Variants in C1orf159 observed in about 807,000 individuals in gnomAD.
The protein encoded by C1orf159 is chromosome 1 open reading frame 159, also known as uncharacterized protein C1orf159.
Under a neutral mutation model 25.6 loss-of-function variants are expected in C1orf159, and 19 were observed. The ratio of observed to expected loss-of-function variants is 0.74; its 90% CI spans 0.52 to 1.09. C1orf159 has a LOEUF of 1.09. Ranked by LOEUF, C1orf159 falls within the 50% of genes least tolerant of loss-of-function variation. The probability of loss-of-function intolerance (pLI) is 0.00; values close to 1 mark genes in which losing one functional copy is unlikely to be tolerated. For synonymous variants in C1orf159, 139 were observed against 124.7 expected (o/e 1.12, Z -0.77); for missense variants, 274 against 290.6 (o/e 0.94, Z 0.42).
At chr1:1,094,171 C>G (rs185773019) in intron 1 of C1orf159, among the ~76,000 whole-genome samples, 1 of 151,524 alleles carries the variant, frequency 6.6e-6, no homozygotes, top group African/African-American at 2.4e-5. Context: ...GATCGTGGCT[C>G]ACTGCAGCCT....
intron 1 of C1orf159, among the ~76,000 whole-genome samples, chr1:1,102,178 C>T (rs1214811513): frequency 6.9e-6 from 1 of 145,772 alleles, no homozygotes; most frequent in Non-Finnish European, 1.5e-5. Flanking sequence ...ACATTTATGT[C>T]TTTCACCAAA....
rs559298266 is a variant in C1orf159, at chr1:1,110,755, C to T, written c.-136+5305G>A. On this transcript the variant is annotated intron_variant, in intron 1 of 9. Coordinates refer to ENST00000421241, the MANE Select transcript of C1orf159 (RefSeq NM_017891.5). The surrounding 1 kb of genome is among the most constrained non-coding windows in gnomAD (Gnocchi z 4.8). ...TTCAGACAGCGGAAACCCACCCGGG[C>T]GCCCTCAGAGACGACGAGCACGCAA... 3.3e-5 allele frequency among the ~76,000 whole-genome samples: 5 copies of T among 152,352 alleles called. No homozygotes were observed. Among genetic ancestry groups the T allele is most frequent in the African/African-American group, 9.6e-5 (4 of 41,570 alleles).
intron 1 of C1orf159, among the ~76,000 whole-genome samples, chr1:1,112,384 G>A (rs574450122): frequency 7.9e-5 from 12 of 152,056 alleles, no homozygotes; most frequent in East Asian, 5.8e-4. Context: ...GTGAACACAC[G>A]GCGCACGGTC....
intron 1 of C1orf159, among the ~76,000 whole-genome samples, chr1:1,108,487 T>C (rs1646209898): frequency 8.5e-6 from 1 of 118,020 alleles, no homozygotes; most frequent in Non-Finnish European, 1.7e-5. Flanking sequence ...AGCAGCACCG[T>C]CCACCACAGC....
intron 9 of C1orf159, chr1:1,083,578 C>T (rs773814477): frequency 6.5e-5 from 20 of 306,238 alleles, no homozygotes; most frequent in Admixed American, 1.4e-4. Context: ...CCCGGAGCCT[C>T]GGGAAGCGTG....
chr1:1,108,660 GGCA>G (rs1216945379), intron 1 of C1orf159, among the ~76,000 whole-genome samples: 7 of 51,576 alleles, frequency 1.4e-4, no homozygotes, highest in African/African-American at 2.9e-4. Flanking sequence ...ACCATGTCTC[GGCA>G]GCACCGTTCA....
Position 1,087,616 on chromosome 1 carries a change from G to A in C1orf159, c.149-19C>T, listed in dbSNP as rs1440709934. The A allele has an allele frequency of 1.6e-5, 24 of 1,521,788 alleles. No homozygotes were observed. The highest frequency in any genetic ancestry group is 2.8e-5 in the African/African-American group (2 of 72,334). The allele number at this position is 1,521,788 out of a possible 1,614,324, so 94.3% of individuals were successfully genotyped here. A position where few individuals can be genotyped will look rare whatever the true frequency, so the allele number is the denominator to read the frequency against. On this transcript the variant is annotated intron_variant, in intron 4 of 9. Transcript: ENST00000421241. The surrounding 1 kb of genome is among the most constrained non-coding windows in gnomAD (Gnocchi z 8.3). ...TAACAGCCTGCGTGGGGCAGAGGAC[G>A]GGCATGTCAGCCAAAGCAAAATCCA...
intron 1 of C1orf159, among the ~76,000 whole-genome samples, chr1:1,111,279 T>A (rs1646252946): frequency 6.7e-6 from 1 of 149,834 alleles, no homozygotes; most frequent in South Asian, 2.1e-4. Flanking sequence ...TGCAATCCCA[T>A]CATTTTGGGA....
intron 1 of C1orf159, among the ~76,000 whole-genome samples, chr1:1,098,855 A>C (rs1210714353): frequency 6.6e-6 from 1 of 152,094 alleles, no homozygotes; most frequent in Non-Finnish European, 1.5e-5. Context: ...CAGGTGATCC[A>C]CCCGACTCGG....
chr1:1,086,002 G>A lies in C1orf159; in HGVS notation c.321C>T (p.Arg107=), dbSNP rs201428293. The A allele has an allele frequency of 2.5e-5, 41 of 1,612,886 alleles. No individual in the cohort carries two copies. The East Asian group carries it at 3.1e-4, about 12-fold the overall frequency. The part of the protein sequence containing the change: ...TPGRPHPGAP[R]VAASLFLGTF... ...TGCCCAGGAAGAGGGAGGCGGCCAC[G>A]CGCGGAGCCCCTGCAAACAGACACC... Residue 107 remains arginine, a synonymous_variant, in exon 7 of 10, where the codon CGC becomes CGT. Transcript: ENST00000421241.
chr1:1,098,500 CTG>C (rs1646040131), intron 1 of C1orf159, among the ~76,000 whole-genome samples: 1 of 152,218 alleles, frequency 6.6e-6, no homozygotes, highest in African/African-American at 2.4e-5. Flanking sequence ...TTTAATTCCT[CTG>C]TGCTCAGAAA....
rs1435875756 is a variant in C1orf159, at chr1:1,089,631, C to T, written c.148+722G>A. ...AGGCCCCTGAGTCCCCAGGAGCAGCCCTTCTGGGTTCTTCCATCATGGGAG... is the reference window on the plus strand; with the variant it reads ...AGGCCCCTGAGTCCCCAGGAGCAGCTCTTCTGGGTTCTTCCATCATGGGAG... On this transcript the variant is annotated intron_variant, in intron 4 of 9. Transcript: ENST00000421241. The surrounding 1 kb of genome is among the most constrained non-coding windows in gnomAD (Gnocchi z 7.5). Among the ~76,000 whole-genome samples the T allele has an allele frequency of 6.6e-6, 1 of 152,162 alleles. No homozygotes were observed. The highest frequency in any genetic ancestry group is 1.5e-5 in the Non-Finnish European group (1 of 68,008).
At chr1:1,109,469 ATTTC>A (rs1438468915) in intron 1 of C1orf159, among the ~76,000 whole-genome samples, 5 of 150,628 alleles carry the variant, frequency 3.3e-5, no homozygotes, top group African/African-American at 4.9e-5. Flanking sequence ...CCTTTTTAAA[ATTTC>A]TTTCTTTCTT....
Position 1,090,778 on chromosome 1 carries a change from C to T in C1orf159, c.73-350G>A. 2.9e-6 allele frequency: 3 copies of T among 1,050,406 alleles called. No individual in the cohort carries two copies. The South Asian group carries it at 4.1e-5, about 14-fold the overall frequency. The allele number at this position is 1,050,406 out of a possible 1,614,324, so 65.1% of individuals were successfully genotyped here. ...CTCCATCAGGGGTTTCCGCTTGACCCCACAGAGGAAGTGCCCGGGCCTGGC... is the reference window on the plus strand; with the variant it reads ...CTCCATCAGGGGTTTCCGCTTGACCTCACAGAGGAAGTGCCCGGGCCTGGC... On this transcript the variant is annotated intron_variant, in intron 3 of 9. Coordinates refer to ENST00000421241, the MANE Select transcript of C1orf159 (RefSeq NM_017891.5).
intron 2 of C1orf159, 33 bp from the exon 3 acceptor site, chr1:1,091,598 G>A: frequency 1.5e-6 from 2 of 1,345,252 alleles, no homozygotes; most frequent in South Asian, 1.2e-5. Flanking sequence ...GAGCCAAAGA[G>A]ATGGAGTGGG....
intron 7 of C1orf159, 113 bp downstream of exon 7, chr1:1,085,765 G>A (rs1051103390): frequency 7.1e-5 from 97 of 1,372,816 alleles, no homozygotes; most frequent in African/African-American, 1.0e-4. Context: ...GCTCCCTCCC[G>A]GCCTCTGCCA....
At position 1,091,811 on chromosome 1, in the gene C1orf159, A is replaced by C. The variant is rs1266460066; in HGVS notation, c.-23+180T>G. 9.6e-5 allele frequency: 20 copies of C among 208,896 alleles called. No individual in the cohort carries two copies. In the Admixed American group the frequency reaches 1.3e-3, roughly 13 times the overall value. The allele number at this position is 208,896 out of a possible 1,614,324, so 12.9% of individuals were successfully genotyped here. The stretch of plus-strand genomic sequence containing the variant: ...GCTGTGGCAGGGAGGGTGGGGCCAA[A>C]TGGAGATGGGGTGGGGCGGGGCCGC... On this transcript the variant is annotated intron_variant, in intron 2 of 9. Transcript: ENST00000421241.
chr1:1,082,878 G>A lies in C1orf159; in HGVS notation c.*15C>T, dbSNP rs757595267. ...TCCCTGCCGCCAAGTGCGTGGCGTG[G>A]TCTCGGCCTCCAGGTCAGACATTGC... On this transcript the variant is annotated 3_prime_UTR_variant, in exon 10 of 10. Coordinates refer to ENST00000421241, the MANE Select transcript of C1orf159 (RefSeq NM_017891.5). The A allele has an allele frequency of 1.3e-6, 2 of 1,571,524 alleles. No individual in the cohort carries two copies. The highest frequency in any genetic ancestry group is 1.7e-6 in the Non-Finnish European group (2 of 1,157,720).
rs141707020 is a variant in C1orf159, at chr1:1,082,620, G to T, written c.*273C>A. On this transcript the variant is annotated 3_prime_UTR_variant, in exon 10 of 10. Transcript: ENST00000421241. The stretch of plus-strand genomic sequence containing the variant: ...GGGCCTCACCGTGTTTCCTGGGGGG[G>T]CCCGGACCCCCCAAGGCCTCGATCT... The T allele has an allele frequency of 1.4e-3, 659 of 486,326 alleles. 2 individuals are homozygous for T. Among genetic ancestry groups the T allele is most frequent in the South Asian group, 6.5e-3 (303 of 46,648 alleles). 30.1% of individuals were successfully genotyped at this position (486,326 alleles called of 1,614,324 possible).
Sources: allele counts gnomAD v4.1 joint callset (sites outside exome capture counted in the v4.1 genomes callset), GRCh38; gene constraint gnomAD v4.1.1; non-coding constraint Gnocchi (gnomAD v3.1); transcripts MANE v1.5; gene names NCBI Gene and HGNC (gene_info 2026-07-23, HGNC 2026-07-21).